Variants in RELN observed in about 807,000 individuals in gnomAD.
RELN encodes the protein reelin.
In RELN, 108 loss-of-function variants were observed where a neutral mutation model predicts 427.6. That is an observed-to-expected ratio of 0.25 (90% CI 0.22 to 0.30). The LOEUF is 0.30. RELN is among the 10% of genes least tolerant of loss of function. The pLI is 1.00. For synonymous variants in RELN, 1,524 were observed against 1,513.4 expected, an observed-to-expected ratio of 1.01 and a Z score of -0.16; for missense variants, 3,715 against 4,302.8, an observed-to-expected ratio of 0.86 and a Z score of 3.82.
intron 2 of RELN, among the ~76,000 whole-genome samples, chr7:103,863,831 T>TTC (rs1263431567): frequency 6.6e-6 from 1 of 152,036 alleles, no homozygotes; most frequent in Non-Finnish European, 1.5e-5. Flanking sequence ...TTTTTTTTTT[T>TTC]TAGAAAAAAA....
chr7:103,961,700 T>C (rs1028653955), intron 1 of RELN, among the ~76,000 whole-genome samples: 2 of 152,204 alleles, frequency 1.3e-5, no homozygotes, highest in Non-Finnish European at 2.9e-5. Flanking sequence ...TGCCTCTTAT[T>C]ACCTCTAAGG....
intron 11 of RELN, among the ~76,000 whole-genome samples, chr7:103,674,895 TAAG>T (rs1380423228): frequency 1.3e-5 from 2 of 152,132 alleles, no homozygotes; most frequent in Non-Finnish European, 2.9e-5. Context: ...CTCAAAATAA[TAAG>T]ATCTATTTAT....
intron 61 of RELN, 68 bp downstream of exon 61, chr7:103,486,125 TAACA>T (rs934702832): frequency 1.1e-5 from 16 of 1,414,142 alleles, no homozygotes; most frequent in Admixed American, 1.7e-5. Context: ...CAATCCTATC[TAACA>T]GACAATGGAC....
chr7:103,709,162 T>G (rs1789725231), intron 8 of RELN, among the ~76,000 whole-genome samples: 1 of 152,162 alleles, frequency 6.6e-6, no homozygotes, highest in South Asian at 2.1e-4. Context: ...TAGTATCTAT[T>G]TTCAGCAGGA....
At chr7:103,692,213 C>T (rs1218259305) in intron 10 of RELN, among the ~76,000 whole-genome samples, 4 of 152,052 alleles carry the variant, frequency 2.6e-5, no homozygotes, top group Admixed American at 6.6e-5. Context: ...GGGCAAGGAG[C>T]CCTCAGCACA....
intron 8 of RELN, among the ~76,000 whole-genome samples, chr7:103,714,178 C>T (rs1219480418): frequency 6.6e-6 from 1 of 152,088 alleles, no homozygotes; most frequent in East Asian, 1.9e-4. Flanking sequence ...TTTTATGTAT[C>T]TGAGCATTTT....
In RELN at chr7:103,929,457, C is replaced by T. The variant is rs558985027; in HGVS notation, c.227-12272G>A. On this transcript the variant is annotated intron_variant, in intron 1 of 64. Coordinates refer to ENST00000428762, the MANE Select transcript of RELN (RefSeq NM_005045.4). ...AAACACTAAATTAGCAAATATTGAA[C>T]CATTTCTCCTAGGAGACGTACAGAG... 2.6e-5 allele frequency among the ~76,000 whole-genome samples: 4 copies of T among 152,256 alleles called. No individual in the cohort carries two copies. The South Asian group carries it at 6.2e-4, about 24-fold the overall frequency.
intron 11 of RELN, among the ~76,000 whole-genome samples, chr7:103,672,895 C>T (rs2115635075): frequency 6.6e-6 from 1 of 152,100 alleles, no homozygotes; most frequent in African/African-American, 2.4e-5. Flanking sequence ...ATGAAATATC[C>T]CTTTTTGGTC....
intron 1 of RELN, among the ~76,000 whole-genome samples, chr7:103,962,651 T>A (rs532751657): frequency 2.0e-4 from 3 of 15,224 alleles, no homozygotes; most frequent in East Asian, 2.3e-3. Flanking sequence ...AGTTGTTGTG[T>A]GTGTGTGTGT....
At chr7:103,576,142 A>C (rs1487548521) in intron 28 of RELN, among the ~76,000 whole-genome samples, 1 of 152,036 alleles carries the variant, frequency 6.6e-6, no homozygotes, top group African/African-American at 2.4e-5. Flanking sequence ...GAGGCAGGAG[A>C]ATTGCTTCAA....
chr7:103,878,620 G>A (rs1563066951), intron 2 of RELN, among the ~76,000 whole-genome samples: 1 of 151,340 alleles, frequency 6.6e-6, no homozygotes, highest in Non-Finnish European at 1.5e-5. Context: ...ATGAATGCAT[G>A]ACAAAAATTC....
intron 5 of RELN, among the ~76,000 whole-genome samples, chr7:103,752,473 A>C (rs749861798): frequency 5.3e-5 from 8 of 152,008 alleles, no homozygotes; most frequent in Non-Finnish European, 8.8e-5. Flanking sequence ...ACAGTGTCAC[A>C]ATCATAGCTT....
At chr7:103,806,061 T>C (rs1024580302) in intron 3 of RELN, among the ~76,000 whole-genome samples, 3 of 152,326 alleles carry the variant, frequency 2.0e-5, no homozygotes, top group East Asian at 1.9e-4. Context: ...GCTCTACGCA[T>C]TGGTAAGGAA....
intron 49 of RELN, among the ~76,000 whole-genome samples, chr7:103,518,290 A>G (rs1829615405): frequency 6.9e-6 from 1 of 144,086 alleles, no homozygotes; most frequent in Non-Finnish European, 1.5e-5. Context: ...TTTAGCCTGT[A>G]TCTGGCTTGC....
At chr7:103,671,658 A>C (rs1418978804) in intron 11 of RELN, among the ~76,000 whole-genome samples, 1 of 152,156 alleles carries the variant, frequency 6.6e-6, no homozygotes, top group Non-Finnish European at 1.5e-5. Context: ...TATAATTAAT[A>C]AACAACCTTA....
At chr7:103,922,571 C>A (rs1008646309) in intron 1 of RELN, among the ~76,000 whole-genome samples, 3 of 151,980 alleles carry the variant, frequency 2.0e-5, no homozygotes, top group Admixed American at 6.6e-5. Flanking sequence ...GGTGTGACTG[C>A]GGAATGAAAA....
intron 1 of RELN, among the ~76,000 whole-genome samples, chr7:103,944,125 G>A (rs1796171637): frequency 6.6e-6 from 1 of 152,026 alleles, no homozygotes; most frequent in African/African-American, 2.4e-5. Context: ...CAGGCGAATG[G>A]AGAAAAAACT....
intron 1 of RELN, among the ~76,000 whole-genome samples, chr7:103,983,641 G>C (rs1156949421): frequency 6.6e-6 from 1 of 152,056 alleles, no homozygotes; most frequent in South Asian, 2.1e-4. Context: ...AGGTAAAGAG[G>C]GTGGATTAAT....
chr7:103,528,256 C>T (rs1222781268), intron 46 of RELN, among the ~76,000 whole-genome samples: 2 of 152,292 alleles, frequency 1.3e-5, no homozygotes, highest in African/African-American at 2.4e-5. Flanking sequence ...CAATATATCA[C>T]ACTACACTTT....
Sources: allele counts gnomAD v4.1 joint callset (sites outside exome capture counted in the v4.1 genomes callset), GRCh38; gene constraint gnomAD v4.1.1; transcripts MANE v1.5; gene names NCBI Gene and HGNC (gene_info 2026-07-23, HGNC 2026-07-21).